The following SPOCK1 variants were observed in gnomAD, a reference collection of about 807,000 sequenced individuals.
The protein encoded by SPOCK1 is SPARC (osteonectin), cwcv and kazal like domains proteoglycan 1, also known as testican-1.
SPOCK1 carries 23 observed loss-of-function variants against 55.3 expected under a neutral mutation model. That is an observed-to-expected ratio of 0.42 (90% CI 0.30 to 0.59). The LOEUF is 0.59. Among genes scored for constraint, SPOCK1 ranks in the 20% least tolerant of loss-of-function variants. The pLI, the probability that SPOCK1 is intolerant of heterozygous loss-of-function variation, is 0.22. For synonymous variants in SPOCK1, 226 were observed against 221.0 expected, an observed-to-expected ratio of 1.02 and a Z score of -0.20; for missense variants, 499 against 552.5, an observed-to-expected ratio of 0.90 and a Z score of 0.97.
chr5:137,276,830 C>G (rs181015431), intron 2 of SPOCK1, among the ~76,000 whole-genome samples: 73 of 152,226 alleles, frequency 4.8e-4, no homozygotes, highest in Non-Finnish European at 1.3e-4. Flanking sequence ...GATTTCTGCC[C>G]AATGGCCCCA....
intron 2 of SPOCK1, among the ~76,000 whole-genome samples, chr5:137,358,866 CA>C (rs1215828148): frequency 7.0e-6 from 1 of 142,836 alleles, no homozygotes; most frequent in South Asian, 2.3e-4. Context: ...TCAAGACTTA[CA>C]TGATCAAGTC....
chr5:137,200,755 A>G lies in SPOCK1; in HGVS notation c.233-60061T>C, dbSNP rs183165977. The stretch of plus-strand genomic sequence containing the variant: ...GGTGGTTTGCTGCACCTATTAACCC[A>G]CCATCTAGTTTTAAGCCCCTCATGC... On this transcript the variant is annotated intron_variant, in intron 3 of 10. Coordinates refer to ENST00000394945, the MANE Select transcript of SPOCK1 (RefSeq NM_004598.4). Among the ~76,000 whole-genome samples the G allele has an allele frequency of 1.1e-3, 171 of 152,248 alleles. 1 individual carries two copies. The Middle Eastern group carries it at 0.017, about 15-fold the overall frequency.
At chr5:137,450,793 T>C (rs774306941) in intron 2 of SPOCK1, among the ~76,000 whole-genome samples, 1 of 152,104 alleles carries the variant, frequency 6.6e-6, no homozygotes, top group Non-Finnish European at 1.5e-5. Context: ...GCCCTCTGCA[T>C]CTGAAAGCTG....
intron 5 of SPOCK1, among the ~76,000 whole-genome samples, chr5:137,102,716 G>A (rs1227927468): frequency 1.3e-5 from 2 of 152,060 alleles, no homozygotes; most frequent in African/African-American, 2.4e-5. Flanking sequence ...ACTTACTAGC[G>A]ATATTGACCT....
chr5:137,386,868 G>A (rs1280135020), intron 2 of SPOCK1, among the ~76,000 whole-genome samples: 1 of 151,996 alleles, frequency 6.6e-6, no homozygotes, highest in East Asian at 1.9e-4. Flanking sequence ...AAAATTAAAA[G>A]ACAAGCCACA....
At chr5:137,245,557 A>G (rs994062913) in intron 3 of SPOCK1, among the ~76,000 whole-genome samples, 3 of 152,184 alleles carry the variant, frequency 2.0e-5, no homozygotes, top group African/African-American at 7.2e-5. Context: ...AGCATCAAAA[A>G]CTTAGCAGAG....
chr5:137,026,772 C>T (rs1189392276), intron 6 of SPOCK1, among the ~76,000 whole-genome samples: 1 of 152,192 alleles, frequency 6.6e-6, no homozygotes, highest in Non-Finnish European at 1.5e-5. Context: ...GTCTGAGTTG[C>T]TGGGCCAAGG....
At chr5:137,228,846 C>G (rs1482281127) in intron 3 of SPOCK1, among the ~76,000 whole-genome samples, 1 of 152,012 alleles carries the variant, frequency 6.6e-6, no homozygotes, top group Admixed American at 6.6e-5. Flanking sequence ...TAGCTCTTAC[C>G]CAGATAATGG....
At chr5:137,042,546 C>T (rs1169350620) in intron 6 of SPOCK1, among the ~76,000 whole-genome samples, 1 of 152,078 alleles carries the variant, frequency 6.6e-6, no homozygotes, top group East Asian at 1.9e-4. Context: ...AAGGTGCTGA[C>T]CTGTGTAGTT....
At chr5:137,455,638 A>T (rs1176151364) in intron 2 of SPOCK1, among the ~76,000 whole-genome samples, 1 of 152,118 alleles carries the variant, frequency 6.6e-6, no homozygotes, top group East Asian at 1.9e-4. Flanking sequence ...TCTTGTCTCT[A>T]ATACCTGCAG....
At chr5:137,485,336 T>C (rs753988860) in intron 2 of SPOCK1, among the ~76,000 whole-genome samples, 1 of 152,254 alleles carries the variant, frequency 6.6e-6, no homozygotes, top group Non-Finnish European at 1.5e-5. Context: ...GGTAGGCAAA[T>C]GTCTGACACG....
intron 2 of SPOCK1, among the ~76,000 whole-genome samples, chr5:137,419,907 T>C (rs1752447706): frequency 6.6e-6 from 1 of 152,224 alleles, no homozygotes. Flanking sequence ...TTTCCAGTTT[T>C]TGCCCATTCA....
intron 2 of SPOCK1, among the ~76,000 whole-genome samples, chr5:137,276,131 C>A (rs1434516626): frequency 1.3e-5 from 2 of 152,232 alleles, no homozygotes; most frequent in Non-Finnish European, 2.9e-5. Flanking sequence ...GCCCCAGCAC[C>A]TGCTGAGCCT....
intron 2 of SPOCK1, among the ~76,000 whole-genome samples, chr5:137,279,284 G>A (rs550085134): frequency 6.6e-6 from 1 of 152,200 alleles, no homozygotes; most frequent in Non-Finnish European, 1.5e-5. Flanking sequence ...CTAGCCAGAG[G>A]AGAAGTAACA....
chr5:137,492,878 T>A (rs975250459), intron 2 of SPOCK1, among the ~76,000 whole-genome samples: 2 of 152,252 alleles, frequency 1.3e-5, no homozygotes, highest in Admixed American at 1.3e-4. Context: ...CTCTACACAG[T>A]GTAGCCCTTT....
chr5:137,086,714 C>A (rs1342778237), intron 5 of SPOCK1, among the ~76,000 whole-genome samples: 2 of 152,184 alleles, frequency 1.3e-5, no homozygotes, highest in East Asian at 1.9e-4. Flanking sequence ...ACTGAAGCTA[C>A]CAGCTGAGCA....
intron 4 of SPOCK1, among the ~76,000 whole-genome samples, chr5:137,133,008 G>A (rs1247405085): frequency 6.6e-6 from 1 of 152,164 alleles, no homozygotes; most frequent in Non-Finnish European, 1.5e-5. Flanking sequence ...AATGAAAAAT[G>A]GGAAAACAAG....
At chr5:137,199,596 T>A (rs1755375411) in intron 3 of SPOCK1, among the ~76,000 whole-genome samples, 1 of 152,172 alleles carries the variant, frequency 6.6e-6, no homozygotes, top group South Asian at 2.1e-4. Flanking sequence ...ATTTTGCTTC[T>A]AGGACACCAC....
chr5:137,108,968 C>T (rs887976943), intron 5 of SPOCK1, among the ~76,000 whole-genome samples: 2 of 152,200 alleles, frequency 1.3e-5, no homozygotes, highest in African/African-American at 2.4e-5. Flanking sequence ...AGCTATTTCC[C>T]GGGCAACTGA....
Sources: gnomAD v4.1 joint callset for allele counts (sites outside exome capture counted in the v4.1 genomes callset) on GRCh38, gnomAD v4.1.1 for gene constraint, MANE v1.5 for transcripts, NCBI Gene and HGNC (gene_info 2026-07-23, HGNC 2026-07-21) for gene names.